Variants in PLCL1 observed in about 807,000 individuals in gnomAD.
PLCL1 encodes inactive phospholipase C-like protein 1.
In PLCL1, 41 loss-of-function variants were observed where a neutral mutation model predicts 84.4. The ratio of observed to expected loss-of-function variants is 0.49; its 90% CI spans 0.38 to 0.63. PLCL1 has a LOEUF of 0.63. Among genes scored for constraint, PLCL1 ranks in the 30% least tolerant of loss-of-function variants. The probability of loss-of-function intolerance (pLI) is 0.00; values close to 1 mark genes in which losing one functional copy is unlikely to be tolerated. For synonymous variants in PLCL1, 490 were observed against 488.3 expected, an observed-to-expected ratio of 1.00 and a Z score of -0.05; for missense variants, 1,206 against 1,367.8, an observed-to-expected ratio of 0.88 and a Z score of 1.87.
intron 1 of PLCL1, among the ~76,000 whole-genome samples, chr2:197,942,019 A>G (rs1689168830): frequency 6.6e-6 from 1 of 150,808 alleles, no homozygotes; most frequent in South Asian, 2.1e-4. Flanking sequence ...GCCTTCCTTC[A>G]CTCTTTTCTC....
intron 1 of PLCL1, among the ~76,000 whole-genome samples, chr2:197,923,086 C>A (rs1226092868): frequency 7.1e-6 from 1 of 141,370 alleles, no homozygotes; most frequent in African/African-American, 2.6e-5. Flanking sequence ...AGGGCTGACC[C>A]CCCCACCTCC....
At chr2:198,041,388 C>T (rs1052033544) in intron 1 of PLCL1, among the ~76,000 whole-genome samples, 4 of 103,960 alleles carry the variant, frequency 3.8e-5, no homozygotes, top group African/African-American at 1.8e-4. Context: ...TTCTAAGTTC[C>T]AACCACAGTG....
chr2:198,020,816 C>T (rs1263838786), intron 1 of PLCL1, among the ~76,000 whole-genome samples: 3 of 152,022 alleles, frequency 2.0e-5, no homozygotes, highest in Non-Finnish European at 2.9e-5. Context: ...TTAACATCCA[C>T]CTGCCAATAT....
In PLCL1 at chr2:198,105,660, G is replaced by A. The variant is rs565542101; in HGVS notation, c.3105+1724G>A. Among the ~76,000 whole-genome samples, 19 of 145,592 alleles carry A rather than the reference G, an allele frequency of 1.3e-4. No homozygotes were observed. In the East Asian group the frequency reaches 3.7e-3, roughly 29 times the overall value. ...TGTGTTTACTCACATGAATACTTAC[G>A]TTCAAGTCAATATGGCTGTTCTTGT... On this transcript the variant is annotated intron_variant, in intron 5 of 5. Transcript: ENST00000428675.
At chr2:197,880,599 C>G (rs1284145604) in intron 1 of PLCL1, among the ~76,000 whole-genome samples, 2 of 152,070 alleles carry the variant, frequency 1.3e-5, no homozygotes, top group African/African-American at 2.4e-5. Context: ...GCAATCTACT[C>G]CAAAAGAAAT....
At chr2:198,047,624 A>C (rs1691837396) in intron 1 of PLCL1, among the ~76,000 whole-genome samples, 1 of 152,188 alleles carries the variant, frequency 6.6e-6, no homozygotes, top group Admixed American at 6.5e-5. Flanking sequence ...TCAGGGACTA[A>C]ATGAAGCTGG....
At chr2:198,087,879 T>A (rs189377042) in intron 2 of PLCL1, among the ~76,000 whole-genome samples, 19 of 152,298 alleles carry the variant, frequency 1.2e-4, no homozygotes, top group Admixed American at 1.0e-3. Context: ...AAAATCCATT[T>A]CCATTATCAT....
At chr2:197,842,140 C>A (rs1335015743) in intron 1 of PLCL1, among the ~76,000 whole-genome samples, 1 of 152,114 alleles carries the variant, frequency 6.6e-6, no homozygotes. Context: ...ACATTCTTGC[C>A]TTTTTCTTTA....
Position 198,103,870 on chromosome 2 carries a change from A to C in PLCL1, c.3039A>C (p.Glu1013Asp), listed in dbSNP as rs758384283. 2 of 1,607,798 alleles carry C rather than the reference A, an allele frequency of 1.2e-6. No individual in the cohort carries two copies. Among genetic ancestry groups the C allele is most frequent in the Non-Finnish European group, 1.7e-6 (2 of 1,176,680 alleles). The stretch of plus-strand genomic sequence containing the variant: ...AACTTCATAATTTGGGGGCAAAAGA[A>C]GGCTTGAAGGGAAGAAAACTCAACA... ...HEELHNLGAK[E>D]GLKGRKLNKA... Residue 1013 changes from glutamate to aspartate, a missense_variant, in exon 5 of 6, where the codon GAA becomes GAC. Glu to Asp is a conservative substitution (Grantham distance 45). Transcript: ENST00000428675.
At chr2:197,868,719 TAG>T (rs1022541685) in intron 1 of PLCL1, among the ~76,000 whole-genome samples, 6 of 150,244 alleles carry the variant, frequency 4.0e-5, no homozygotes, top group African/African-American at 1.5e-4. Context: ...TTTTTTTTAG[TAG>T]AGATAAGTTC....
At chr2:197,914,656 A>G (rs904942553) in intron 1 of PLCL1, among the ~76,000 whole-genome samples, 2 of 152,222 alleles carry the variant, frequency 1.3e-5, no homozygotes, top group Non-Finnish European at 2.9e-5. Context: ...TAGTCAGCAC[A>G]TGAAAGAGAT....
chr2:197,994,696 C>T (rs1435596746), intron 1 of PLCL1, among the ~76,000 whole-genome samples: 5 of 152,120 alleles, frequency 3.3e-5, no homozygotes, highest in Admixed American at 1.3e-4. Flanking sequence ...ACACTAGAAA[C>T]ATTCTTGTTT....
At chr2:198,133,418 C>T (rs1185233638) in intron 5 of PLCL1, among the ~76,000 whole-genome samples, 1 of 150,022 alleles carries the variant, frequency 6.7e-6, no homozygotes, top group Non-Finnish European at 1.5e-5. Flanking sequence ...GGAGATATAC[C>T]TAAGGCTAGA....
intron 5 of PLCL1, among the ~76,000 whole-genome samples, chr2:198,108,214 G>C (rs1481602704): frequency 6.6e-6 from 1 of 151,794 alleles, no homozygotes; most frequent in African/African-American, 2.4e-5. Context: ...CTTGCTTCCA[G>C]TTGGTTGAAT....
At chr2:197,949,718 C>T (rs1001144102) in intron 1 of PLCL1, among the ~76,000 whole-genome samples, 1 of 152,062 alleles carries the variant, frequency 6.6e-6, no homozygotes, top group African/African-American at 2.4e-5. Flanking sequence ...GAGGAAATAA[C>T]ATAGTGGTAG....
chr2:198,042,883 C>T (rs749597495), intron 1 of PLCL1, among the ~76,000 whole-genome samples: 1 of 152,018 alleles, frequency 6.6e-6, no homozygotes, highest in African/African-American at 2.4e-5. Flanking sequence ...GGAGATAATA[C>T]GGGGTTGGTA....
At chr2:198,097,730 A>G (rs1375415531) in intron 3 of PLCL1, among the ~76,000 whole-genome samples, 1 of 152,222 alleles carries the variant, frequency 6.6e-6, no homozygotes, top group Non-Finnish European at 1.5e-5. Flanking sequence ...GCTGTGTGCA[A>G]GTTCACTTGT....
intron 1 of PLCL1, among the ~76,000 whole-genome samples, chr2:197,939,490 T>C (rs1453964430): frequency 6.6e-6 from 1 of 152,172 alleles, no homozygotes; most frequent in Non-Finnish European, 1.5e-5. Flanking sequence ...ATTTAGGTGT[T>C]GGCAGGTTTG....
intron 1 of PLCL1, among the ~76,000 whole-genome samples, chr2:198,066,096 GT>G (rs1486100543): frequency 3.9e-5 from 6 of 152,048 alleles, no homozygotes; most frequent in Non-Finnish European, 7.4e-5. Flanking sequence ...CCTCTCCTTT[GT>G]TAGCTTTTCT....
Sources: allele counts gnomAD v4.1 joint callset (sites outside exome capture counted in the v4.1 genomes callset), GRCh38; gene constraint gnomAD v4.1.1; transcripts MANE v1.5; gene names NCBI Gene and HGNC (gene_info 2026-07-23, HGNC 2026-07-21).